The following PAM variants were observed in gnomAD, a reference collection of about 807,000 sequenced individuals.
PAM encodes the protein peptidyl-glycine alpha-amidating monooxygenase.
PAM carries 72 observed loss-of-function variants against 122.1 expected under a neutral mutation model. The ratio of observed to expected loss-of-function variants is 0.59; its 90% CI spans 0.49 to 0.72. The LOEUF is 0.72. Ranked by LOEUF, PAM falls within the 30% of genes least tolerant of loss-of-function variation. The probability of loss-of-function intolerance (pLI) is 0.00; values close to 1 mark genes in which losing one functional copy is unlikely to be tolerated. For synonymous variants in PAM, 389 were observed against 404.4 expected (o/e 0.96, Z 0.46); for missense variants, 1,106 against 1,183.7 (o/e 0.93, Z 0.96).
At chr5:102,949,673 T>C in intron 10 of PAM, 56 bp downstream of exon 10, 2 of 889,474 alleles carry the variant, frequency 2.2e-6, no homozygotes, top group Non-Finnish European at 3.8e-6. Context: ...CCTGGTGCCA[T>C]AAATTAAAAT....
chr5:102,964,350 A>G (rs1393026272), intron 14 of PAM, among the ~76,000 whole-genome samples: 1 of 151,968 alleles, frequency 6.6e-6, no homozygotes, highest in Admixed American at 6.6e-5. Flanking sequence ...TCACAAACAC[A>G]CTAACCTTTC....
At chr5:102,843,416 G>A (rs1317918004) in intron 1 of PAM, among the ~76,000 whole-genome samples, 3 of 151,996 alleles carry the variant, frequency 2.0e-5, no homozygotes, top group Non-Finnish European at 4.4e-5. Context: ...AAACTATAAG[G>A]AAAAAATAGG....
chr5:102,953,391 GA>G (rs970602691), intron 12 of PAM, among the ~76,000 whole-genome samples: 1 of 152,104 alleles, frequency 6.6e-6, no homozygotes, highest in African/African-American at 2.4e-5. Context: ...GGAGGGGGGG[GA>G]ATCCTGTCAT....
chr5:102,947,786 G>A lies in PAM; in HGVS notation c.576-592G>A, dbSNP rs557973501. 1.1e-4 allele frequency among the ~76,000 whole-genome samples: 17 copies of A among 152,282 alleles called. No homozygotes were observed. The South Asian group carries it at 3.3e-3, about 30-fold the overall frequency. ...AATGTCACAGCTAGGAATCATGAGA[G>A]CTGATTAGTCAGGGTTCTCCAAAGA... On this transcript the variant is annotated intron_variant, in intron 8 of 25. Transcript: ENST00000438793.
intron 16 of PAM, among the ~76,000 whole-genome samples, chr5:102,995,312 G>A (rs894141818): frequency 6.6e-6 from 1 of 151,968 alleles, no homozygotes; most frequent in Non-Finnish European, 1.5e-5. Flanking sequence ...ACACTTTACC[G>A]GAGCCTTTTT....
chr5:102,804,163 T>G (rs1765617498), intron 1 of PAM, among the ~76,000 whole-genome samples: 1 of 152,200 alleles, frequency 6.6e-6, no homozygotes, highest in African/African-American at 2.4e-5. Flanking sequence ...GCTTAAAGTA[T>G]CAGGAGGTCT....
chr5:102,894,207 A>G, intron 3 of PAM, among the ~76,000 whole-genome samples: 1 of 151,694 alleles, frequency 6.6e-6, no homozygotes, highest in Admixed American at 6.6e-5. Context: ...GAGTACCCAC[A>G]GGGTCTCAGT....
At chr5:102,943,668 T>C (rs1756035609) in intron 7 of PAM, among the ~76,000 whole-genome samples, 1 of 152,168 alleles carries the variant, frequency 6.6e-6, no homozygotes, top group Admixed American at 6.5e-5. Flanking sequence ...GCAACACACT[T>C]AATCTCTGTG....
At chr5:102,891,097 T>TA (rs1365791241) in intron 3 of PAM, among the ~76,000 whole-genome samples, 1 of 151,922 alleles carries the variant, frequency 6.6e-6, no homozygotes, top group Non-Finnish European at 1.5e-5. Flanking sequence ...GAGCTGTTTT[T>TA]ATAGGATCAA....
At chr5:103,009,201 CTT>C (rs1050538449) in intron 20 of PAM, among the ~76,000 whole-genome samples, 1 of 151,946 alleles carries the variant, frequency 6.6e-6, no homozygotes, top group Non-Finnish European at 1.5e-5. Flanking sequence ...AAAAGATGGT[CTT>C]TTTTAATTAA....
chr5:102,786,254 A>G (rs570043341), intron 1 of PAM, among the ~76,000 whole-genome samples: 1 of 152,316 alleles, frequency 6.6e-6, no homozygotes, highest in East Asian at 1.9e-4. Flanking sequence ...AGAAGGTGTG[A>G]CTTTGAACAG....
intron 1 of PAM, among the ~76,000 whole-genome samples, chr5:102,801,813 C>A (rs1160541348): frequency 8.1e-6 from 1 of 123,606 alleles, no homozygotes; most frequent in African/African-American, 3.1e-5. Context: ...GAGTCTCGCT[C>A]TGTCGCCCAG....
intron 12 of PAM, among the ~76,000 whole-genome samples, chr5:102,957,283 G>A (rs897993145): frequency 7.2e-5 from 11 of 151,938 alleles, no homozygotes; most frequent in Non-Finnish European, 1.5e-4. Context: ...TTCTACCTAC[G>A]TAAGAGCAAG....
chr5:102,873,260 C>T (rs965080913), intron 3 of PAM: 9 of 151,974 alleles, frequency 5.9e-5, no homozygotes, highest in Non-Finnish European at 8.8e-5. Flanking sequence ...AGGGAGACAC[C>T]CCACACCACC....
chr5:102,782,725 C>CTA (rs1387780206), intron 1 of PAM, among the ~76,000 whole-genome samples: 2 of 140,188 alleles, frequency 1.4e-5, no homozygotes, highest in African/African-American at 5.5e-5. Flanking sequence ...CTCTCTCTCT[C>CTA]TGTGTGTGTG....
At chr5:102,896,815 T>A (rs150406350) in intron 3 of PAM, among the ~76,000 whole-genome samples, 1 of 151,798 alleles carries the variant, frequency 6.6e-6, no homozygotes, top group East Asian at 1.9e-4. Flanking sequence ...TTAAGTGTCT[T>A]AAATTCTGGC....
chr5:102,852,712 A>G (rs1013277564), intron 1 of PAM, among the ~76,000 whole-genome samples: 1 of 152,204 alleles, frequency 6.6e-6, no homozygotes, highest in Non-Finnish European at 1.5e-5. Context: ...GCTGACTTTT[A>G]AAACTCCACT....
chr5:102,883,428 C>A (rs1454503086), intron 3 of PAM, among the ~76,000 whole-genome samples: 2 of 151,940 alleles, frequency 1.3e-5, no homozygotes, highest in Non-Finnish European at 2.9e-5. Flanking sequence ...AGGTCTTTAA[C>A]CTCCTTGGTT....
chr5:102,898,962 T>C (rs1230231749), intron 3 of PAM, among the ~76,000 whole-genome samples: 1 of 151,632 alleles, frequency 6.6e-6, no homozygotes, highest in Non-Finnish European at 1.5e-5. Context: ...ACCTACCGAA[T>C]AGTGTTATCA....
Sources: gnomAD v4.1 joint callset for allele counts (sites outside exome capture counted in the v4.1 genomes callset) on GRCh38, gnomAD v4.1.1 for gene constraint, MANE v1.5 for transcripts, NCBI Gene and HGNC (gene_info 2026-07-23, HGNC 2026-07-21) for gene names.